The following FSTL5 variants were observed in gnomAD, a reference collection of about 807,000 sequenced individuals.
FSTL5 encodes the protein follistatin-related protein 5.
In FSTL5, 62 loss-of-function variants were observed where a neutral mutation model predicts 89.1. The ratio of observed to expected loss-of-function variants is 0.70; its 90% CI spans 0.57 to 0.86. The LOEUF (loss-of-function observed/expected upper bound fraction) is 0.86, where lower values mean the gene tolerates loss of function less well. Ranked by LOEUF, FSTL5 falls within the 40% of genes least tolerant of loss-of-function variation. FSTL5 has a pLI of 0.00. For synonymous variants in FSTL5, 383 were observed against 346.2 expected (o/e 1.11, Z -1.18); for missense variants, 1,057 against 1,001.6 (o/e 1.06, Z -0.75).
chr4:162,135,532 A>C (rs1360537701), intron 1 of FSTL5, among the ~76,000 whole-genome samples: 2 of 152,094 alleles, frequency 1.3e-5, no homozygotes, highest in East Asian at 3.9e-4. Flanking sequence ...ATCAATTTCA[A>C]TATGGCTTAT....
chr4:162,133,022 A>C (rs1444891693), intron 1 of FSTL5, among the ~76,000 whole-genome samples: 4 of 152,244 alleles, frequency 2.6e-5, no homozygotes, highest in Middle Eastern at 3.4e-3. Flanking sequence ...GGCTCACTGC[A>C]AGCTCCGCCT....
chr4:161,758,301 C>T (rs577180918), intron 6 of FSTL5, among the ~76,000 whole-genome samples: 1 of 152,076 alleles, frequency 6.6e-6, no homozygotes, highest in African/African-American at 2.4e-5. Context: ...CCTTTTTACA[C>T]AAGTACGTAT....
intron 1 of FSTL5, among the ~76,000 whole-genome samples, chr4:162,157,044 A>G (rs1262146262): frequency 6.6e-6 from 1 of 152,160 alleles, no homozygotes; most frequent in African/African-American, 2.4e-5. Flanking sequence ...ATTTTGTCTC[A>G]TTATTACAGC....
At chr4:161,779,518 A>C (rs1298392245) in intron 4 of FSTL5, among the ~76,000 whole-genome samples, 1 of 151,538 alleles carries the variant, frequency 6.6e-6, no homozygotes, top group Non-Finnish European at 1.5e-5. Context: ...AAGAAAATCA[A>C]TATGATTACT....
intron 5 of FSTL5, among the ~76,000 whole-genome samples, chr4:161,771,222 G>A (rs948053411): frequency 1.3e-5 from 2 of 151,958 alleles, no homozygotes; most frequent in African/African-American, 4.8e-5. Flanking sequence ...ACTATTTCAA[G>A]AATATGCCTT....
intron 4 of FSTL5, among the ~76,000 whole-genome samples, chr4:161,835,254 A>C (rs1730997407): frequency 2.6e-5 from 4 of 152,126 alleles, no homozygotes; most frequent in Admixed American, 2.6e-4. Flanking sequence ...AGCCATAAGT[A>C]GAAAGCTGAA....
chr4:161,958,195 C>T (rs892658126), intron 3 of FSTL5, among the ~76,000 whole-genome samples: 19 of 151,896 alleles, frequency 1.3e-4, no homozygotes, highest in Non-Finnish European at 1.2e-4. Context: ...TTAGTTATAT[C>T]TTCTATATTT....
intron 4 of FSTL5, among the ~76,000 whole-genome samples, chr4:161,824,098 T>C (rs1018670467): frequency 1.3e-5 from 2 of 152,182 alleles, no homozygotes; most frequent in Non-Finnish European, 2.9e-5. Flanking sequence ...AGCCAATGTC[T>C]AGAAGGGGTT....
At chr4:161,626,590 G>T (rs1348878803) in intron 7 of FSTL5, among the ~76,000 whole-genome samples, 1 of 151,686 alleles carries the variant, frequency 6.6e-6, no homozygotes. Context: ...TTTTATGATT[G>T]CAATCACCAC....
intron 7 of FSTL5, among the ~76,000 whole-genome samples, chr4:161,633,873 G>T (rs1560988481): frequency 1.3e-5 from 2 of 152,166 alleles, no homozygotes; most frequent in Non-Finnish European, 2.9e-5. Flanking sequence ...TCTTTTTGAG[G>T]AGCAGAGATG....
chr4:161,772,420 T>G (rs2126801002), intron 5 of FSTL5, among the ~76,000 whole-genome samples: 1 of 152,220 alleles, frequency 6.6e-6, no homozygotes, highest in Non-Finnish European at 1.5e-5. Flanking sequence ...CGCTGTTTGC[T>G]GATAATATGA....
intron 6 of FSTL5, among the ~76,000 whole-genome samples, chr4:161,683,818 G>C (rs1406392165): frequency 6.6e-6 from 1 of 152,070 alleles, no homozygotes; most frequent in East Asian, 1.9e-4. Context: ...CTTTAGTGGT[G>C]ATTTGTCAGA....
In FSTL5 at chr4:161,399,985, AG is replaced by A. The variant is rs1373824164; in HGVS notation, c.1842-13537del. 3.3e-5 allele frequency among the ~76,000 whole-genome samples: 5 copies of A among 152,268 alleles called. No individual in the cohort carries two copies. The East Asian group carries it at 9.6e-4, about 29-fold the overall frequency. ...TGGATAAATGTTAACTTCTTATAAT[AG>A]ATTTGTTTATAATTAATAATAGCAA... On this transcript the variant is annotated intron_variant, in intron 15 of 15. Transcript: ENST00000306100.
chr4:162,109,322 A>G (rs1328183223), intron 2 of FSTL5, among the ~76,000 whole-genome samples: 1 of 152,068 alleles, frequency 6.6e-6, no homozygotes, highest in East Asian at 1.9e-4. Context: ...ACAACCCAGG[A>G]TTCCTAGTCA....
chr4:161,851,123 T>G (rs1294539174), intron 4 of FSTL5, among the ~76,000 whole-genome samples: 1 of 152,222 alleles, frequency 6.6e-6, no homozygotes, highest in East Asian at 1.9e-4. Context: ...AAATCTGGTC[T>G]TCTCTAGTAA....
At chr4:161,621,276 ACAC>A (rs1289026235) in intron 7 of FSTL5, among the ~76,000 whole-genome samples, 1 of 96,418 alleles carries the variant, frequency 1.0e-5, no homozygotes, top group East Asian at 4.5e-4. Context: ...CTACACACAC[ACAC>A]ACACACACAC....
chr4:162,002,918 G>T (rs948947343), intron 3 of FSTL5, among the ~76,000 whole-genome samples: 1 of 152,030 alleles, frequency 6.6e-6, no homozygotes, highest in Non-Finnish European at 1.5e-5. Flanking sequence ...GCCGAGGCGG[G>T]CAGATCACAA....
intron 10 of FSTL5, among the ~76,000 whole-genome samples, chr4:161,516,245 T>A (rs1465047634): frequency 6.7e-6 from 1 of 149,166 alleles, no homozygotes; most frequent in Non-Finnish European, 1.5e-5. Context: ...TTGTAATATA[T>A]ATATTTTACA....
chr4:161,834,879 A>C (rs969221485), intron 4 of FSTL5, among the ~76,000 whole-genome samples: 11 of 151,798 alleles, frequency 7.2e-5, no homozygotes, highest in African/African-American at 2.7e-4. Flanking sequence ...CATACTGCCC[A>C]AGGTAATTTA....
Sources: allele counts gnomAD v4.1 joint callset (sites outside exome capture counted in the v4.1 genomes callset), GRCh38; gene constraint gnomAD v4.1.1; transcripts MANE v1.5; gene names NCBI Gene and HGNC (gene_info 2026-07-23, HGNC 2026-07-21).